Variants in PTPRT observed in about 807,000 individuals in gnomAD.
The protein encoded by PTPRT is receptor-type tyrosine-protein phosphatase T.
Under a neutral mutation model 176.8 loss-of-function variants are expected in PTPRT, and 56 were observed. That is an observed-to-expected ratio of 0.32 (90% CI 0.26 to 0.40). The LOEUF (loss-of-function observed/expected upper bound fraction) is 0.40, where lower values mean the gene tolerates loss of function less well. Among genes scored for constraint, PTPRT ranks in the 10% least tolerant of loss-of-function variants. PTPRT has a pLI of 1.00. For missense variants in PTPRT, 1,540 were observed against 1,908.2 expected (o/e 0.81, Z 3.60); for synonymous variants, 783 against 739.0 (o/e 1.06, Z -0.96).
At chr20:43,090,673 A>G (rs1038476794) in intron 1 of PTPRT, among the ~76,000 whole-genome samples, 3 of 152,198 alleles carry the variant, frequency 2.0e-5, no homozygotes, top group African/African-American at 7.2e-5. Flanking sequence ...ATATCAATAG[A>G]AAAGCTGAAA....
chr20:42,595,848 A>G (rs1473789343), intron 7 of PTPRT, among the ~76,000 whole-genome samples: 1 of 152,180 alleles, frequency 6.6e-6, no homozygotes, highest in African/African-American at 2.4e-5. Flanking sequence ...ACCTGCCTAG[A>G]GACAAGGCTG....
intron 9 of PTPRT, among the ~76,000 whole-genome samples, chr20:42,396,191 T>C (rs1249577113): frequency 1.3e-5 from 2 of 152,224 alleles, no homozygotes; most frequent in African/African-American, 2.4e-5. Context: ...AACTCCATCC[T>C]TCCATTTGCT....
chr20:42,444,317 G>T (rs1481556497), intron 9 of PTPRT, among the ~76,000 whole-genome samples: 1 of 148,106 alleles, frequency 6.8e-6, no homozygotes, highest in African/African-American at 2.5e-5. Flanking sequence ...CCAAAAAGAG[G>T]TAGAATTTTT....
intron 1 of PTPRT, among the ~76,000 whole-genome samples, chr20:43,062,013 G>A (rs1379319459): frequency 1.3e-5 from 2 of 152,196 alleles, no homozygotes; most frequent in Non-Finnish European, 2.9e-5. Flanking sequence ...AGTACATACT[G>A]CATGTTTCCA....
chr20:42,492,816 T>A (rs1017634388), intron 7 of PTPRT, among the ~76,000 whole-genome samples: 1 of 152,198 alleles, frequency 6.6e-6, no homozygotes, highest in African/African-American at 2.4e-5. Flanking sequence ...CATGTTCTAT[T>A]TTTGTGATGA....
chr20:42,930,216 T>C (rs577168450), intron 1 of PTPRT, among the ~76,000 whole-genome samples: 9 of 152,318 alleles, frequency 5.9e-5, no homozygotes, highest in Admixed American at 5.9e-4. Flanking sequence ...GCCTGCAGCA[T>C]CAGTGAGATG....
intron 27 of PTPRT, among the ~76,000 whole-genome samples, chr20:42,087,568 A>G (rs938273534): frequency 1.3e-5 from 2 of 148,528 alleles, no homozygotes; most frequent in African/African-American, 4.9e-5. Flanking sequence ...TTTAAGCTTC[A>G]GGGGTCATTG....
At chr20:42,694,669 G>A (rs1029509715) in intron 6 of PTPRT, among the ~76,000 whole-genome samples, 1 of 152,200 alleles carries the variant, frequency 6.6e-6, no homozygotes, top group Non-Finnish European at 1.5e-5. Context: ...GAGTGGTCCA[G>A]TTCCTCACCT....
chr20:43,142,043 A>G (rs2014026811), intron 1 of PTPRT, among the ~76,000 whole-genome samples: 1 of 152,216 alleles, frequency 6.6e-6, no homozygotes, highest in Non-Finnish European at 1.5e-5. Flanking sequence ...AAATTACTTC[A>G]GCTCTTCTAC....
rs938526378 is a variant in PTPRT, at chr20:42,656,016, A to G, written c.1153+21850T>C. 7.2e-5 allele frequency among the ~76,000 whole-genome samples: 11 copies of G among 152,148 alleles called. 1 individual carries two copies. The highest frequency in any genetic ancestry group is 2.6e-4 in the Admixed American group (4 of 15,268). On this transcript the variant is annotated intron_variant, in intron 7 of 30. Transcript: ENST00000373187. Reference sequence around the variant, plus strand: ...ATACCATCAAGTGCAGAAATCAGAGATGAGAAACAGTGGACATATGATCCT... The same window carrying G: ...ATACCATCAAGTGCAGAAATCAGAGGTGAGAAACAGTGGACATATGATCCT...
In PTPRT at chr20:42,161,384, C is replaced by T. The variant is rs1437230315; in HGVS notation, c.2650G>A (p.Gly884Ser). ...LLQHITQMKR[G>S]QGYGFKEEYE... is the part of the protein sequence containing the mutation. ...TCCTCCTTGAACCCGTAGCCCTGGC[C>T]TCTCTTCATCTGCGTGATGTGCTGC... is the stretch of plus-strand genomic sequence containing the variant. The change falls in exon 17 of 31, where the codon GGC becomes AGC. Residue 884 changes from glycine (G) to serine (S), a missense_variant. Gly to Ser is a moderately conservative substitution (Grantham distance 56). This residue lies in a region of PTPRT where 255 missense variants were observed against 250.1 expected (regional missense o/e 1.02). Transcript: ENST00000373187. The T allele has an allele frequency of 1.2e-6, 2 of 1,614,008 alleles. No individual in the cohort carries two copies. The highest frequency in any genetic ancestry group is 1.7e-5 in the Admixed American group (1 of 59,998).
intron 1 of PTPRT, among the ~76,000 whole-genome samples, chr20:43,029,905 A>C (rs1169810836): frequency 6.6e-6 from 1 of 152,236 alleles, no homozygotes; most frequent in Non-Finnish European, 1.5e-5. Flanking sequence ...TCCGAGATAG[A>C]GGCTGTTGTA....
At chr20:43,000,725 TAAAC>T (rs1984515500) in intron 1 of PTPRT, among the ~76,000 whole-genome samples, 1 of 150,890 alleles carries the variant, frequency 6.6e-6, no homozygotes, top group Admixed American at 6.6e-5. Context: ...ATGCAAAAAA[TAAAC>T]AACAAGGATC....
At chr20:42,451,325 C>G (rs368091720) in intron 8 of PTPRT, among the ~76,000 whole-genome samples, 1 of 151,978 alleles carries the variant, frequency 6.6e-6, no homozygotes, top group East Asian at 1.9e-4. Context: ...AGAGAGGGAG[C>G]CTTAAAGGAT....
intron 2 of PTPRT, among the ~76,000 whole-genome samples, chr20:42,879,738 T>TGTGTGTGTGTGTGTGTGTGCGC (rs2078986256): frequency 7.1e-6 from 1 of 141,100 alleles, no homozygotes. Context: ...GTGAAATGTG[T>TGTGTGTGTGTGTGTGTGTGCGC]GTGTGTGTGT....
At chr20:42,449,116 A>G (rs190548499) in intron 8 of PTPRT, among the ~76,000 whole-genome samples, 95 of 152,332 alleles carry the variant, frequency 6.2e-4, no homozygotes, top group African/African-American at 2.1e-3. Context: ...TCCTGAATCC[A>G]ACATGAACTA....
In PTPRT at chr20:42,671,791, CAA is replaced by C. The variant is rs1419417358; in HGVS notation, c.1153+6073_1153+6074del. 3.3e-5 allele frequency among the ~76,000 whole-genome samples: 5 copies of C among 152,012 alleles called. No homozygotes were observed. The East Asian group carries it at 9.6e-4, about 29-fold the overall frequency. On this transcript the variant is annotated intron_variant, in intron 7 of 30. Coordinates refer to ENST00000373187, the MANE Select transcript of PTPRT (RefSeq NM_007050.6). ...GAATGATTAAACTAAGGAAAAGAAACAAAATGATAAATAAAAATATAAGAAAT... is the reference window on the plus strand; with the variant it reads ...GAATGATTAAACTAAGGAAAAGAAACAATGATAAATAAAAATATAAGAAAT...
chr20:42,853,022 A>AAG (rs1055284178), intron 2 of PTPRT, among the ~76,000 whole-genome samples: 35 of 152,358 alleles, frequency 2.3e-4, no homozygotes, highest in African/African-American at 7.5e-4. Flanking sequence ...TGAGAGTCAG[A>AAG]AGCTAGATGA....
Position 42,132,964 on chromosome 20 carries a change from C to T in PTPRT, c.2771-4134G>A, listed in dbSNP as rs964656911. ...ATGGATAAACAAATTGTGGTGCAGA[C>T]GGTCCCTCACTTGGGATGATTAGAC... is the stretch of plus-strand genomic sequence containing the variant. On this transcript the variant is annotated intron_variant, in intron 18 of 30. Transcript: ENST00000373187. Among the ~76,000 whole-genome samples the T allele has an allele frequency of 3.3e-5, 5 of 152,150 alleles. 1 individual carries two copies. Among genetic ancestry groups the T allele is most frequent in the South Asian group, 4.2e-4 (2 of 4,818 alleles).
Sources: gnomAD v4.1 joint callset for allele counts (sites outside exome capture counted in the v4.1 genomes callset) on GRCh38, gnomAD v4.1.1 for gene constraint, gnomAD v4.1.1 regional missense constraint, MANE v1.5 for transcripts, NCBI Gene and HGNC (gene_info 2026-07-23, HGNC 2026-07-21) for gene names.